SCARB1: variants seen among roughly 807,000 people sequenced by gnomAD.
SCARB1 encodes CD36 and LIMPII analogous 1.
In SCARB1, 30 loss-of-function variants were observed where a neutral mutation model predicts 57.2. The ratio of observed to expected loss-of-function variants is 0.52; its 90% CI spans 0.39 to 0.71. The LOEUF is 0.71. Ranked by LOEUF, SCARB1 falls within the 30% of genes least tolerant of loss-of-function variation. The pLI is 0.00. For synonymous variants in SCARB1, 249 were observed against 268.3 expected (o/e 0.93, Z 0.70); for missense variants, 543 against 671.2 (o/e 0.81, Z 2.11).
intron 4 of SCARB1, among the ~76,000 whole-genome samples, chr12:124,813,464 C>T (rs980096583): frequency 3.9e-5 from 6 of 152,232 alleles, no homozygotes; most frequent in African/African-American, 1.4e-4. Context: ...CAACACTGAA[C>T]AGCCTACCGC....
chr12:124,800,377 C>T lies in SCARB1; in HGVS notation c.1010-135G>A. On this transcript the variant is annotated intron_variant, in intron 7 of 12. Transcript: ENST00000261693. The surrounding 1 kb of genome is among the most constrained non-coding windows in gnomAD (Gnocchi z 4.8). ...GACAAGATAACCAGACAGAGAGGAT[C>T]CCTTCCTCCATTCTGTAAAAAGCCC... 2 of 649,140 alleles carry T rather than the reference C, an allele frequency of 3.1e-6. No individual in the cohort carries two copies. The highest frequency in any genetic ancestry group is 5.5e-6 in the Non-Finnish European group (2 of 362,394). The allele number at this position is 649,140 out of a possible 1,614,324, so 40.2% of individuals were successfully genotyped here.
chr12:124,827,753 G>A (rs774688153), intron 1 of SCARB1, among the ~76,000 whole-genome samples: 5 of 152,050 alleles, frequency 3.3e-5, no homozygotes, highest in Non-Finnish European at 7.4e-5. Flanking sequence ...CTGCTTACAT[G>A]CCCCCTTCTC....
In SCARB1 at chr12:124,834,124, G is replaced by A. The variant is rs575156260; in HGVS notation, c.127-16417C>T. Among the ~76,000 whole-genome samples the A allele has an allele frequency of 2.0e-5, 3 of 152,372 alleles. No individual in the cohort carries two copies. In the South Asian group the frequency reaches 6.2e-4, roughly 32 times the overall value. ...GCCAGCTTCATCCTCAGCCACATGG[G>A]AGGAAGAATGCAGGCAACAGCCAGC... On this transcript the variant is annotated intron_variant, in intron 1 of 12. Transcript: ENST00000261693.
At chr12:124,836,670 T>G (rs919945055) in intron 1 of SCARB1, among the ~76,000 whole-genome samples, 32 of 152,094 alleles carry the variant, frequency 2.1e-4, no homozygotes, top group Non-Finnish European at 1.9e-4. Flanking sequence ...AGTGTATGCC[T>G]GTAGACCCAG....
intron 1 of SCARB1, among the ~76,000 whole-genome samples, chr12:124,825,224 CAAAAAAAAA>C (rs60776063): frequency 4.6e-4 from 20 of 43,686 alleles, no homozygotes; most frequent in African/African-American, 1.9e-3. Context: ...GACTCCATCT[CAAAAAAAAA>C]AAAAAAAAAA....
rs1949691960 is a variant in SCARB1 at position 124,790,670 on chromosome 12, C to T, written c.1203-3213G>A. 2.0e-5 allele frequency among the ~76,000 whole-genome samples: 3 copies of T among 152,232 alleles called. No homozygotes were observed. The South Asian group carries it at 6.2e-4, about 31-fold the overall frequency. On this transcript the variant is annotated intron_variant, in intron 9 of 12. Coordinates refer to ENST00000261693, the MANE Select transcript of SCARB1 (RefSeq NM_005505.5). Reference sequence around the variant, plus strand: ...GCAACTCACACTCAGTATGGAGCAGCAGGGTGGGCTGGCTCACCACTTGCC... The same window carrying T: ...GCAACTCACACTCAGTATGGAGCAGTAGGGTGGGCTGGCTCACCACTTGCC...
chr12:124,845,833 C>T (rs1337570386), intron 1 of SCARB1, among the ~76,000 whole-genome samples: 2 of 147,014 alleles, frequency 1.4e-5, no homozygotes, highest in Admixed American at 6.9e-5. Flanking sequence ...TGGTGAAACC[C>T]GTCTCTACTA....
At chr12:124,795,362 C>A (rs147238482) in intron 8 of SCARB1, 94 bp from the exon 9 acceptor site, 6 of 1,020,354 alleles carry the variant, frequency 5.9e-6, no homozygotes, top group Middle Eastern at 2.2e-4. Flanking sequence ...AGAGGGTGGG[C>A]GTCCCAGCTA....
rs932173787 is a variant in SCARB1 at position 124,814,673 on chromosome 12, G to A, written c.427-268C>T. On this transcript the variant is annotated intron_variant, in intron 3 of 12. Coordinates refer to ENST00000261693, the MANE Select transcript of SCARB1 (RefSeq NM_005505.5). The surrounding 1 kb of genome is among the most constrained non-coding windows in gnomAD (Gnocchi z 4.7). ...GAACTCCAGCCCCAGTCCCAGAGGC[G>A]GGCCTGTGGCTCAGCCCTCAACAAG... Among the ~76,000 whole-genome samples the A allele has an allele frequency of 3.9e-5, 6 of 152,182 alleles. No homozygotes were observed. Among genetic ancestry groups the A allele is most frequent in the Admixed American group, 3.3e-4 (5 of 15,284 alleles).
intron 1 of SCARB1, among the ~76,000 whole-genome samples, chr12:124,853,463 C>T (rs1003512377): frequency 1.4e-5 from 2 of 147,714 alleles, no homozygotes; most frequent in South Asian, 2.2e-4. Context: ...GGTGCAATCT[C>T]GGCTCACTGC....
intron 1 of SCARB1, among the ~76,000 whole-genome samples, chr12:124,846,516 C>T (rs1452877984): frequency 2.0e-5 from 3 of 151,864 alleles, no homozygotes; most frequent in Non-Finnish European, 4.4e-5. Flanking sequence ...TTTGGGAGGC[C>T]GAGGCAGGCG....
At chr12:124,841,506 G>A (rs1228442680) in intron 1 of SCARB1, among the ~76,000 whole-genome samples, 1 of 149,670 alleles carries the variant, frequency 6.7e-6, no homozygotes, top group African/African-American at 2.5e-5. Flanking sequence ...AAAATACTGA[G>A]TCAGATCATG....
intron 2 of SCARB1, among the ~76,000 whole-genome samples, 184 bp from the exon 3 acceptor site, chr12:124,815,298 A>C (rs1228442870): frequency 6.6e-6 from 1 of 152,180 alleles, no homozygotes; most frequent in Admixed American, 6.5e-5. Flanking sequence ...TGCCCACTGC[A>C]GGACATGGTG....
At position 124,811,816 on chromosome 12, in the gene SCARB1, G is replaced by A. The variant is rs61932577; in HGVS notation, c.726+54C>T. 0.082 allele frequency: 106,651 copies of A among 1,298,030 alleles called. 5,172 individuals carry two copies. Among genetic ancestry groups the A allele is most frequent in the Non-Finnish European group, 0.1 (91,021 of 908,700 alleles). 80.4% of individuals were successfully genotyped at this position (1,298,030 alleles called of 1,614,324 possible). ...CTGCCACTCCCGAGCAGCCATGGCC[G>A]GGCCCACCCTCCCCTCTCCCTGGCG... On this transcript the variant is annotated intron_variant, in intron 5 of 12. Transcript: ENST00000261693.
chr12:124,833,568 C>T (rs746582421), intron 1 of SCARB1, among the ~76,000 whole-genome samples: 22 of 152,254 alleles, frequency 1.4e-4, no homozygotes, highest in South Asian at 1.0e-3. Flanking sequence ...GGGATCAGGA[C>T]GCCAGCACCT....
Position 124,782,566 on chromosome 12 carries a change from C to T in SCARB1, c.*117G>A, listed in dbSNP as rs547081283. On this transcript the variant is annotated intron_variant, in intron 12 of 12. Coordinates refer to ENST00000261693, the MANE Select transcript of SCARB1 (RefSeq NM_005505.5). ...CAAATATGCATCTTCAGTCTGTAGA[C>T]ACTCCAGGTGAAGTTGAGGCTGAAG... is the stretch of plus-strand genomic sequence containing the variant. The T allele has an allele frequency of 1.2e-5, 12 of 994,730 alleles. No individual in the cohort carries two copies. In the African/African-American group the frequency reaches 1.3e-4, roughly 11 times the overall value. 61.6% of individuals were successfully genotyped at this position (994,730 alleles called of 1,614,324 possible).
rs1382191550 is a variant in SCARB1 at position 124,800,731 on chromosome 12, T to C, written c.1010-489A>G. ...CAGCAATGATCGGAGCTCAGGTGTG[T>C]GCACCTGTGGCCAGATCTCCCTGCA... On this transcript the variant is annotated intron_variant, in intron 7 of 12. Transcript: ENST00000261693. The surrounding 1 kb of genome is among the most constrained non-coding windows in gnomAD (Gnocchi z 4.8). 2.6e-5 allele frequency among the ~76,000 whole-genome samples: 4 copies of C among 152,166 alleles called. No individual in the cohort carries two copies. The highest frequency in any genetic ancestry group is 7.2e-5 in the African/African-American group (3 of 41,430).
intron 9 of SCARB1, among the ~76,000 whole-genome samples, chr12:124,794,651 C>G (rs1419967119): frequency 6.6e-6 from 1 of 152,130 alleles, no homozygotes; most frequent in East Asian, 1.9e-4. Flanking sequence ...AAAGTGAAGG[C>G]CGGGCACGGT....
At chr12:124,795,088 C>T in intron 9 of SCARB1, 107 bp downstream of exon 9, 1 of 942,610 alleles carries the variant, frequency 1.1e-6, no homozygotes, top group Non-Finnish European at 1.8e-6. Flanking sequence ...TCTCCCCTCC[C>T]CATGCCCTGG....
Sources: gnomAD v4.1 joint callset for allele counts (sites outside exome capture counted in the v4.1 genomes callset) on GRCh38, gnomAD v4.1.1 for gene constraint, Gnocchi (gnomAD v3.1) non-coding constraint, MANE v1.5 for transcripts, NCBI Gene and HGNC (gene_info 2026-07-23, HGNC 2026-07-21) for gene names.